The following USP34 variants were observed in gnomAD, a reference collection of about 807,000 sequenced individuals.
USP34 encodes ubiquitin carboxyl-terminal hydrolase 34.
A neutral mutation model predicts 460.3 loss-of-function variants in USP34; 70 were observed. The observed-to-expected ratio is 0.15, with a 90% CI of 0.13 to 0.19. The LOEUF (loss-of-function observed/expected upper bound fraction) is 0.19. Ranked by LOEUF, USP34 falls within the 10% of genes least tolerant of loss-of-function variation. The pLI, the probability that USP34 is intolerant of heterozygous loss-of-function variation, is 1.00. For synonymous variants in USP34, 1,647 were observed against 1,405.3 expected (o/e 1.17, Z -3.85); for missense variants, 3,985 against 4,236.2 (o/e 0.94, Z 1.65).
At chr2:61,317,552 GGTA>G in intron 23 of USP34, 99 bp downstream of exon 23, 1 of 986,340 alleles carries the variant, frequency 1.0e-6, no homozygotes, top group South Asian at 1.6e-5. Flanking sequence ...GCACTGCACA[GGTA>G]GTAAATTCTA....
intron 3 of USP34, among the ~76,000 whole-genome samples, chr2:61,399,762 A>G (rs2103916697): frequency 6.7e-6 from 1 of 149,864 alleles, no homozygotes; most frequent in South Asian, 2.1e-4. Context: ...AATCCCAACT[A>G]CTCGGGACGC....
intron 1 of USP34, among the ~76,000 whole-genome samples, chr2:61,430,486 G>A (rs1694638173): frequency 6.6e-6 from 1 of 152,208 alleles, no homozygotes. Flanking sequence ...AGAGTTGGTG[G>A]TGGGGCTGAT....
At chr2:61,253,130 T>A (rs1385415868) in intron 48 of USP34, among the ~76,000 whole-genome samples, 2 of 152,194 alleles carry the variant, frequency 1.3e-5, no homozygotes, top group Non-Finnish European at 2.9e-5. Context: ...ACTTCCTCAA[T>A]TGGCCCATTT....
rs888096159 is a variant in USP34 at position 61,190,300 on chromosome 2, T to C, written c.9844A>G (p.Ile3282Val). The C allele has an allele frequency of 6.2e-7, 1 of 1,613,272 alleles. No individual in the cohort carries two copies. The highest frequency in any genetic ancestry group is 8.5e-7 in the Non-Finnish European group (1 of 1,179,826). ...LQSDFSNRVE[I>V]SKASASLNGD... ...TTTAAAGAAGCACTTGCTTTGGAAATTTCAACTCGGTTGGAGAAATCAGAC... is the reference window on the plus strand; with the variant it reads ...TTTAAAGAAGCACTTGCTTTGGAAACTTCAACTCGGTTGGAGAAATCAGAC... The change falls in exon 78 of 80, where the codon ATT becomes GTT. Residue 3282 changes from isoleucine to valine, a missense_variant. Ile to Val is a conservative substitution (Grantham distance 29, BLOSUM62 3). This residue lies in a region of USP34 where 506 missense variants were observed against 439.0 expected (regional missense o/e 1.15). Coordinates refer to ENST00000398571, the MANE Select transcript of USP34 (RefSeq NM_014709.4).
chr2:61,456,885 G>A (rs1166480906), intron 1 of USP34, among the ~76,000 whole-genome samples: 1 of 152,196 alleles, frequency 6.6e-6, no homozygotes, highest in African/African-American at 2.4e-5. Flanking sequence ...AGCTGAGGCA[G>A]GAGGATAGCT....
At chr2:61,445,404 A>G (rs1016826160) in intron 1 of USP34, among the ~76,000 whole-genome samples, 16 of 151,546 alleles carry the variant, frequency 1.1e-4, no homozygotes, top group African/African-American at 3.9e-4. Flanking sequence ...GCGTGGTGGC[A>G]AGCACCTGTA....
Position 61,206,727 on chromosome 2 carries a change from C to T in USP34, c.9046+33G>A, listed in dbSNP as rs200801698. The T allele has an allele frequency of 2.0e-4, 323 of 1,605,960 alleles. 1 individual carries two copies. Among genetic ancestry groups the T allele is most frequent in the African/African-American group, 1.4e-3 (107 of 74,426 alleles). On this transcript the variant is annotated intron_variant, in intron 71 of 79. Transcript: ENST00000398571. The stretch of plus-strand genomic sequence containing the variant: ...ACCTTCTCTCTCTTTACTAGTAGCA[C>T]GAACAAAACATAAGAAGTAGGAATG...
intron 48 of USP34, among the ~76,000 whole-genome samples, chr2:61,254,052 A>C (rs1688657866): frequency 6.6e-6 from 1 of 152,178 alleles, no homozygotes; most frequent in African/African-American, 2.4e-5. Context: ...AAACTTTAAA[A>C]ATCAATGATT....
Position 61,319,157 on chromosome 2 carries a change from A to C in USP34, c.3168+16T>G, listed in dbSNP as rs541342388. The C allele has an allele frequency of 6.5e-7, 1 of 1,539,400 alleles. No individual in the cohort carries two copies. The highest frequency in any genetic ancestry group is 2.4e-5 in the Admixed American group (1 of 41,576). ...AACATGGAAAAATAATAACAAACTGAGAGAAATGTAATTACCTTCTCCAGG... is the reference window on the plus strand; with the variant it reads ...AACATGGAAAAATAATAACAAACTGCGAGAAATGTAATTACCTTCTCCAGG... On this transcript the variant is annotated intron_variant, in intron 22 of 79. Coordinates refer to ENST00000398571, the MANE Select transcript of USP34 (RefSeq NM_014709.4).
At chr2:61,418,133 C>A (rs1694253149) in intron 2 of USP34, among the ~76,000 whole-genome samples, 1 of 145,600 alleles carries the variant, frequency 6.9e-6, no homozygotes, top group Non-Finnish European at 1.5e-5. Context: ...GGCTGGAATG[C>A]AGTGGCACAA....
At chr2:61,449,054 G>A (rs1470196366) in intron 1 of USP34, among the ~76,000 whole-genome samples, 1 of 152,150 alleles carries the variant, frequency 6.6e-6, no homozygotes, top group Non-Finnish European at 1.5e-5. Flanking sequence ...CTACTCTGGA[G>A]GCTGAGGCAG....
intron 23 of USP34, among the ~76,000 whole-genome samples, chr2:61,316,156 A>G (rs1690739119): frequency 6.6e-6 from 1 of 152,170 alleles, no homozygotes; most frequent in South Asian, 2.1e-4. Context: ...CAGTGAGCCA[A>G]GATTGTGCCA....
intron 29 of USP34, among the ~76,000 whole-genome samples, chr2:61,299,681 A>G (rs1415782278): frequency 7.6e-6 from 1 of 130,800 alleles, no homozygotes; most frequent in East Asian, 2.2e-4. Flanking sequence ...AACCTGAGAG[A>G]TCAAGGCTAC....
Position 61,348,509 on chromosome 2 carries a change from A to C in USP34, c.1675-29T>G, listed in dbSNP as rs765751226. On this transcript the variant is annotated intron_variant, in intron 14 of 79. Transcript: ENST00000398571. ...TATTTTGAAACAAATAGATTTAAAT[A>C]AATATTTAAACCAGTAAGAAAAAAG... 7 of 1,587,174 alleles carry C rather than the reference A, an allele frequency of 4.4e-6. No individual in the cohort carries two copies. The Admixed American group carries it at 8.8e-5, about 20-fold the overall frequency.
chr2:61,222,720 A>T, intron 64 of USP34, 57 bp from the exon 65 acceptor site: 1 of 1,532,006 alleles, frequency 6.5e-7, no homozygotes, highest in Non-Finnish European at 9.0e-7. Context: ...TTTTTGAGAC[A>T]GGGTTTCGCT....
In USP34 at chr2:61,283,463, A is replaced by ACAC. The variant is rs756742437; in HGVS notation, c.4833-17_4833-15dup. The stretch of plus-strand genomic sequence containing the variant: ...GCTTTTAAAACTCTGTAAAGTAAAA[A>ACAC]CACCACCACCACCAATTAAATTCAG... On this transcript the variant is annotated splice_polypyrimidine_tract_variant and intron_variant, in intron 35 of 79. Transcript: ENST00000398571. 6.5e-5 allele frequency: 104 copies of ACAC among 1,605,230 alleles called. 2 individuals carry two copies. The East Asian group carries it at 1.3e-3, about 19-fold the overall frequency.
chr2:61,380,609 T>C (rs1339979656), intron 6 of USP34, among the ~76,000 whole-genome samples: 1 of 152,102 alleles, frequency 6.6e-6, no homozygotes, highest in Non-Finnish European at 1.5e-5. Context: ...CCTCCCATCA[T>C]TATATGTACA....
chr2:61,408,825 G>A (rs1158228140), intron 2 of USP34, among the ~76,000 whole-genome samples: 2 of 151,702 alleles, frequency 1.3e-5, no homozygotes, highest in South Asian at 4.2e-4. Flanking sequence ...CTTGGGAGGC[G>A]GAGGTTGCAG....
intron 8 of USP34, among the ~76,000 whole-genome samples, chr2:61,375,488 G>A (rs184421579): frequency 6.6e-6 from 1 of 152,212 alleles, no homozygotes; most frequent in East Asian, 1.9e-4. Flanking sequence ...AGTAGAAACA[G>A]GCGGGGCGCG....
Sources: allele counts gnomAD v4.1 joint callset (sites outside exome capture counted in the v4.1 genomes callset), GRCh38; gene constraint gnomAD v4.1.1; regional missense constraint gnomAD v4.1.1; transcripts MANE v1.5; gene names NCBI Gene and HGNC (gene_info 2026-07-23, HGNC 2026-07-21).